The following ENOPH1 variants were observed in gnomAD, a reference collection of about 807,000 sequenced individuals.
ENOPH1 encodes enolase-phosphatase 1, also known as enolase-phosphatase E1.
Under a neutral mutation model 31.1 loss-of-function variants are expected in ENOPH1, and 14 were observed. That is an observed-to-expected ratio of 0.45 (90% CI 0.30 to 0.70). ENOPH1 has a LOEUF of 0.70. Ranked by LOEUF, ENOPH1 falls within the 30% of genes least tolerant of loss-of-function variation. The pLI is 0.09. For synonymous variants in ENOPH1, 127 were observed against 123.2 expected (o/e 1.03, Z -0.21); for missense variants, 243 against 321.5 (o/e 0.76, Z 1.87).
intron 1 of ENOPH1, among the ~76,000 whole-genome samples, chr4:82,436,817 A>G (rs1479068990): frequency 6.6e-6 from 1 of 152,034 alleles, no homozygotes; most frequent in African/African-American, 2.4e-5. Context: ...GCCTTAGACA[A>G]TCTGCTCACC....
chr4:82,452,505 T>G (rs540314979), intron 3 of ENOPH1, among the ~76,000 whole-genome samples: 4 of 152,250 alleles, frequency 2.6e-5, no homozygotes, highest in African/African-American at 9.6e-5. Flanking sequence ...TTGGCCAGGC[T>G]GGTCTTGAAC....
At chr4:82,457,279 G>A (rs1394769674) in intron 5 of ENOPH1, among the ~76,000 whole-genome samples, 2 of 151,856 alleles carry the variant, frequency 1.3e-5, no homozygotes, top group Admixed American at 1.3e-4. Context: ...TGTGGGCTCA[G>A]GCAGGAGGAT....
At chr4:82,441,161 A>G (rs1722029220) in intron 1 of ENOPH1, among the ~76,000 whole-genome samples, 2 of 152,226 alleles carry the variant, frequency 1.3e-5, no homozygotes, top group African/African-American at 4.8e-5. Flanking sequence ...GCTGCTAATA[A>G]AGACATACCT....
At position 82,451,161 on chromosome 4, in the gene ENOPH1, C is replaced by T. The variant is rs201863018; in HGVS notation, c.305C>T (p.Ser102Phe). ...GTAGATAATGTGTGCTGGCAGATGT[C>T]CCTGGATCGAAAGACCACTGCACTC... ...AVVDNVCWQM[S>F]LDRKTTALKQ... The change falls in exon 3 of 6, where the codon TCC (serine) becomes TTC (phenylalanine). Residue 102 changes from serine to phenylalanine, a missense_variant. Coordinates refer to ENST00000273920, the MANE Select transcript of ENOPH1 (RefSeq NM_021204.5). 6.8e-6 allele frequency: 11 copies of T among 1,614,078 alleles called. No homozygotes were observed. The highest frequency in any genetic ancestry group is 9.3e-6 in the Non-Finnish European group (11 of 1,180,050).
At chr4:82,448,099 T>C in intron 2 of ENOPH1, 78 bp downstream of exon 2, 1 of 978,142 alleles carries the variant, frequency 1.0e-6, no homozygotes. Flanking sequence ...GCTCTGAGCA[T>C]TTTGTAAAAT....
At chr4:82,435,483 A>G (rs1721882466) in intron 1 of ENOPH1, among the ~76,000 whole-genome samples, 1 of 152,190 alleles carries the variant, frequency 6.6e-6, no homozygotes, top group Non-Finnish European at 1.5e-5. Flanking sequence ...TAGTGAATTC[A>G]TTCTTGATTA....
At chr4:82,458,524 A>G (rs1308497658) in intron 5 of ENOPH1, among the ~76,000 whole-genome samples, 1 of 152,202 alleles carries the variant, frequency 6.6e-6, no homozygotes, top group Non-Finnish European at 1.5e-5. Flanking sequence ...ACACAATAAA[A>G]TAAAAAATAA....
intron 5 of ENOPH1, 23 bp from the exon 6 acceptor site, chr4:82,459,958 A>G (rs1722602593): frequency 6.2e-7 from 1 of 1,612,792 alleles, no homozygotes; most frequent in Non-Finnish European, 8.5e-7. Flanking sequence ...TCTGACACAC[A>G]CACATCCTTT....
intron 1 of ENOPH1, among the ~76,000 whole-genome samples, chr4:82,442,069 G>T (rs1722055428): frequency 6.6e-6 from 1 of 152,202 alleles, no homozygotes; most frequent in South Asian, 2.1e-4. Context: ...AAGTCACAGT[G>T]TAGTCATTCT....
rs1297558334 is a variant in ENOPH1, at chr4:82,430,712, TC to T, written c.-116del. The T allele has an allele frequency of 4.4e-6, 4 of 898,912 alleles. No homozygotes were observed. In the African/African-American group the frequency reaches 6.7e-5, roughly 15 times the overall value. The allele number at this position is 898,912 out of a possible 1,614,324, so 55.7% of individuals were successfully genotyped here. A position where few individuals can be genotyped will look rare whatever the true frequency, so the allele number is the denominator to read the frequency against. Reference sequence around the variant, plus strand: ...CGGCGGGCTGCACTTGGTCGCTGGCTCCGAGATCGCGCGGGGCCGCCGGAAG... The same window carrying T: ...CGGCGGGCTGCACTTGGTCGCTGGCTCGAGATCGCGCGGGGCCGCCGGAAG... On this transcript the variant is annotated 5_prime_UTR_variant, in exon 1 of 6. Coordinates refer to ENST00000273920, the MANE Select transcript of ENOPH1 (RefSeq NM_021204.5).
intron 1 of ENOPH1, among the ~76,000 whole-genome samples, chr4:82,432,644 CGTTTTGTTTT>C (rs57944208): frequency 3.8e-4 from 57 of 151,344 alleles, no homozygotes; most frequent in East Asian, 2.9e-3. Flanking sequence ...CTCTTCCCCA[CGTTTTGTTTT>C]GTTTTGTTTT....
chr4:82,438,725 ACAT>A (rs1721969250), intron 1 of ENOPH1, among the ~76,000 whole-genome samples: 1 of 152,226 alleles, frequency 6.6e-6, no homozygotes, highest in Admixed American at 6.5e-5. Flanking sequence ...TATTTTAAAT[ACAT>A]AGGCTGGATT....
At chr4:82,443,380 T>C (rs1240207855) in intron 1 of ENOPH1, among the ~76,000 whole-genome samples, 1 of 148,038 alleles carries the variant, frequency 6.8e-6, no homozygotes, top group Non-Finnish European at 1.5e-5. Context: ...GAAGTTGCAG[T>C]GAGCCAAGAT....
intron 1 of ENOPH1, among the ~76,000 whole-genome samples, chr4:82,446,349 C>T (rs1037903053): frequency 2.7e-4 from 40 of 146,270 alleles, no homozygotes; most frequent in Non-Finnish European, 4.7e-4. Context: ...ACTCGGGAGG[C>T]GGAGGGAGGT....
Position 82,451,076 on chromosome 4 carries a change from C to T in ENOPH1, c.220C>T (p.Pro74Ser). The change falls in exon 3 of 6, where the codon CCT becomes TCT. Residue 74 changes from proline to serine, a missense_variant. Physicochemically the swap from Pro to Ser is moderately conservative, Grantham distance 74 (BLOSUM62 -1). Coordinates refer to ENST00000273920, the MANE Select transcript of ENOPH1 (RefSeq NM_021204.5). ...EEDAHLDGAV[P>S]IPAASGNGVD... ...GGACGCCCACCTGGATGGGGCTGTT[C>T]CTATCCCTGCAGCATCTGGGAATGG... 10 of 1,614,150 alleles carry T rather than the reference C, an allele frequency of 6.2e-6. No homozygotes were observed. The highest frequency in any genetic ancestry group is 8.5e-6 in the Non-Finnish European group (10 of 1,180,020).
At chr4:82,443,152 T>C (rs1260341055) in intron 1 of ENOPH1, among the ~76,000 whole-genome samples, 1 of 151,860 alleles carries the variant, frequency 6.6e-6, no homozygotes, top group African/African-American at 2.4e-5. Flanking sequence ...TAAATTTATG[T>C]GGGGCCGGTC....
At chr4:82,440,324 A>C (rs1332382892) in intron 1 of ENOPH1, among the ~76,000 whole-genome samples, 2 of 152,198 alleles carry the variant, frequency 1.3e-5, no homozygotes, top group African/African-American at 4.8e-5. Flanking sequence ...ATTTCCATAG[A>C]GAATATGCTG....
chr4:82,458,863 G>T (rs186470594), intron 5 of ENOPH1, among the ~76,000 whole-genome samples: 6 of 152,280 alleles, frequency 3.9e-5, no homozygotes, highest in African/African-American at 1.2e-4. Flanking sequence ...AGTACTGTTT[G>T]CTCTGGGAAA....
chr4:82,442,994 A>AG (rs1333064600), intron 1 of ENOPH1, among the ~76,000 whole-genome samples: 1 of 152,100 alleles, frequency 6.6e-6, no homozygotes, highest in Non-Finnish European at 1.5e-5. Flanking sequence ...TTTAGTAGAG[A>AG]GGGGGTTTCA....
Sources: allele counts gnomAD v4.1 joint callset (sites outside exome capture counted in the v4.1 genomes callset), GRCh38; gene constraint gnomAD v4.1.1; transcripts MANE v1.5; gene names NCBI Gene and HGNC (gene_info 2026-07-23, HGNC 2026-07-21).